The following PHF23 variants were observed in gnomAD, a reference collection of about 807,000 sequenced individuals.
PHF23 encodes PHD finger protein 23.
PHF23 carries 3 observed loss-of-function variants against 36.0 expected under a neutral mutation model. The observed-to-expected ratio is 0.08, with a 90% CI of 0.04 to 0.22. The LOEUF is 0.22. Ranked by LOEUF, PHF23 falls within the 10% of genes least tolerant of loss-of-function variation. The probability of loss-of-function intolerance (pLI) is 1.00; values close to 1 mark genes in which losing one functional copy is unlikely to be tolerated. For missense variants in PHF23, 475 were observed against 513.6 expected, an observed-to-expected ratio of 0.92 and a Z score of 0.73; for synonymous variants, 242 against 192.5, an observed-to-expected ratio of 1.26 and a Z score of -2.13.
At chr17:7,240,622 G>A (rs1053081511), upstream of PHF23, 78 of 514,294 alleles carry the variant, frequency 1.5e-4, 1 homozygote, top group East Asian at 2.6e-3. Flanking sequence ...TCTACAGCAG[G>A]ATGGGAAAGG....
In PHF23 at chr17:7,236,874, CCTCAA is replaced by C. The variant is rs956712619; in HGVS notation, c.160-112_160-108del. 1.4e-6 allele frequency: 2 copies of C among 1,471,118 alleles called. No homozygotes were observed. The highest frequency in any genetic ancestry group is 1.8e-6 in the Non-Finnish European group (2 of 1,121,054). 91.1% of individuals were successfully genotyped at this position (1,471,118 alleles called of 1,614,324 possible). A position where few individuals can be genotyped will look rare whatever the true frequency, so the allele number is the denominator to read the frequency against. On this transcript the variant is annotated intron_variant, in intron 3 of 4. Transcript: ENST00000320316. This position sits in a 1 kb window ranked among gnomAD's most constrained non-coding sequence, Gnocchi z 5.1. ...ACTGGATTTACCCCAAAATGTCCTA[CCTCAA>C]CCACTAAATCCCACTGTACTCCAAA...
intron 1 of PHF23, chr17:7,238,582 G>A: frequency 1.8e-6 from 2 of 1,113,364 alleles, no homozygotes; most frequent in Non-Finnish European, 2.2e-6. Flanking sequence ...CAACTCCCAG[G>A]CTCTTAACCC....
chr17:7,236,252 C>T lies in PHF23; in HGVS notation c.675G>A (p.Lys225=), dbSNP rs1218834080. The T allele has an allele frequency of 1.2e-6, 2 of 1,613,448 alleles. No homozygotes were observed. The highest frequency in any genetic ancestry group is 8.5e-7 in the Non-Finnish European group (1 of 1,179,694). Residue 225 remains lysine (K), a synonymous_variant, in exon 4 of 5, where the codon AAG becomes AAA. Coordinates refer to ENST00000320316, the MANE Select transcript of PHF23 (RefSeq NM_024297.3). This position sits in a 1 kb window ranked among gnomAD's most constrained non-coding sequence, Gnocchi z 5.1. Reference sequence around the variant, plus strand: ...GTGGGAGTCTATCCCCCCGTTCTGCCTTTTTTAACTTCCGCTTCTTGCTCT... The same window carrying T: ...GTGGGAGTCTATCCCCCCGTTCTGCTTTTTTTAACTTCCGCTTCTTGCTCT... ...IKKSKKRKLK[K]AERGDRLPPP...
chr17:7,235,457 G>A lies in PHF23; in HGVS notation c.*169C>T. 1 of 685,504 alleles carries A rather than the reference G, an allele frequency of 1.5e-6. No individual in the cohort carries two copies. The highest frequency in any genetic ancestry group is 2.5e-6 in the Non-Finnish European group (1 of 406,096). 42.5% of individuals were successfully genotyped at this position (685,504 alleles called of 1,614,324 possible). ...AATTTCAAGTCCACAGAGTGGGGAG[G>A]AAGGATAGGGTGGGAAAGTGAGACA... On this transcript the variant is annotated 3_prime_UTR_variant, in exon 5 of 5. Transcript: ENST00000320316.
At chr17:7,239,055 A>C in intron 1 of PHF23, 191 bp downstream of exon 1, 1 of 1,266,196 alleles carries the variant, frequency 7.9e-7, no homozygotes, top group Non-Finnish European at 1.1e-6. Context: ...ATCTCCAACT[A>C]CCCCAGCCCA....
In PHF23 at chr17:7,239,370, G is replaced by A. The variant is rs2071747448; in HGVS notation, c.-91C>T. ...TAGTGCTCGATGCTCCCACTGCTTC[G>A]CTCCACAGAAGTGTCCGCCTCAGCC... On this transcript the variant is annotated 5_prime_UTR_variant, in exon 1 of 5. Coordinates refer to ENST00000320316, the MANE Select transcript of PHF23 (RefSeq NM_024297.3). 1 of 681,984 alleles carries A rather than the reference G, an allele frequency of 1.5e-6. No homozygotes were observed. Among genetic ancestry groups the A allele is most frequent in the South Asian group, 1.6e-5 (1 of 60,646 alleles). 42.2% of individuals were successfully genotyped at this position (681,984 alleles called of 1,614,324 possible).
At chr17:7,238,524 C>A in intron 1 of PHF23, 1 of 1,049,292 alleles carries the variant, frequency 9.5e-7, no homozygotes, top group Non-Finnish European at 1.2e-6. Context: ...CTCTCTCTCT[C>A]TCCACAGCAG....
chr17:7,236,673 C>T lies in PHF23; in HGVS notation c.254G>A (p.Arg85Gln), dbSNP rs370850414. 6 of 1,613,862 alleles carry T rather than the reference C, an allele frequency of 3.7e-6. No individual in the cohort carries two copies. The highest frequency in any genetic ancestry group is 2.2e-5 in the East Asian group (1 of 44,892). Residue 85 changes from arginine (R) to glutamine (Q), a missense_variant, in exon 4 of 5, where the codon CGA becomes CAA. Coordinates refer to ENST00000320316, the MANE Select transcript of PHF23 (RefSeq NM_024297.3). The surrounding 1 kb of genome is among the most constrained non-coding windows in gnomAD (Gnocchi z 5.1). Reference protein sequence around the residue: ...DGWDSAPSDLRTIQTFVKKAK... With the variant: ...DGWDSAPSDLQTIQTFVKKAK... ...TTTCTTAACAAAAGTCTGGATGGTTCGAAGATCTGAGGGGGCCGAGTCCCA... is the reference window on the plus strand; with the variant it reads ...TTTCTTAACAAAAGTCTGGATGGTTTGAAGATCTGAGGGGGCCGAGTCCCA...
intron 3 of PHF23, among the ~76,000 whole-genome samples, 178 bp downstream of exon 3, chr17:7,237,207 G>A (rs1167265299): frequency 6.6e-6 from 1 of 151,970 alleles, no homozygotes; most frequent in Non-Finnish European, 1.5e-5. Flanking sequence ...AGCTATCCCG[G>A]CCATCCACTC....
At chr17:7,239,697 C>A (rs2071753813), upstream of PHF23, 1 of 149,568 alleles carries the variant, frequency 6.7e-6, no homozygotes, top group Admixed American at 6.6e-5. Flanking sequence ...CCGCTCCCCT[C>A]CCCCGGGGAG....
chr17:7,237,771 C>G (rs1567582720), intron 1 of PHF23, 111 bp from the exon 2 acceptor site: 3 of 1,298,070 alleles, frequency 2.3e-6, no homozygotes, highest in Non-Finnish European at 3.3e-6. Context: ...GGTCCCTCTG[C>G]CAGGCCAGCA....
intron 1 of PHF23, chr17:7,238,096 C>T: frequency 5.4e-6 from 1 of 186,530 alleles, no homozygotes; most frequent in South Asian, 9.9e-5. Context: ...ACCGCACACG[C>T]CGCCCGCCAG....
chr17:7,239,571 C>T, upstream of PHF23: 1 of 337,468 alleles, frequency 3.0e-6, no homozygotes, highest in Non-Finnish European at 5.6e-6. Context: ...CCGCCGGCGC[C>T]GAGGCGCAGT....
chr17:7,238,739 G>T (rs559742158), intron 1 of PHF23: 1 of 1,514,496 alleles, frequency 6.6e-7, no homozygotes, highest in Non-Finnish European at 8.8e-7. Flanking sequence ...TCCGTCTGCC[G>T]TAGACAATAC....
chr17:7,236,515 A>T lies in PHF23; in HGVS notation c.412T>A (p.Phe138Ile). The T allele has an allele frequency of 6.2e-7, 1 of 1,614,150 alleles. No individual in the cohort carries two copies. The highest frequency in any genetic ancestry group is 8.5e-7 in the Non-Finnish European group (1 of 1,180,016). ...GCCACTTTGGGCCCATCCAGATCAA[A>T]GAGAGAGTCCTTGAGCTTCATCTTC... is the stretch of plus-strand genomic sequence containing the variant. ...LEKMKLKDSL[F>I]DLDGPKVASP... The change falls in exon 4 of 5, where the codon TTT becomes ATT. Residue 138 changes from phenylalanine to isoleucine, a missense_variant. Phe to Ile is a conservative substitution (Grantham distance 21). Transcript: ENST00000320316. This position sits in a 1 kb window ranked among gnomAD's most constrained non-coding sequence, Gnocchi z 5.1.
chr17:7,235,859 G>A lies in PHF23; in HGVS notation c.998-19C>T. ...TCATCACCTGGGGAAAAAAAGGTTT[G>A]TTTGGTATTCTGCCTGAGCTGTTGG... On this transcript the variant is annotated intron_variant, in intron 4 of 4. Coordinates refer to ENST00000320316, the MANE Select transcript of PHF23 (RefSeq NM_024297.3). 1 of 1,614,108 alleles carries A rather than the reference G, an allele frequency of 6.2e-7. No individual in the cohort carries two copies. The highest frequency in any genetic ancestry group is 8.5e-7 in the Non-Finnish European group (1 of 1,179,982).
rs1245191145 is a variant in PHF23, at chr17:7,236,052, CCTT to C, written c.872_874del (p.Glu291del). 5 of 1,613,886 alleles carry C rather than the reference CCTT, an allele frequency of 3.1e-6. No individual in the cohort carries two copies. Among genetic ancestry groups the C allele is most frequent in the African/African-American group, 1.3e-5 (1 of 74,930 alleles). The stretch of plus-strand genomic sequence containing the variant: ...GCTTTCACTGTCAGCAGGAGGGACT[CCTT>C]CAGGGTGCACTGTGGCAGGGGGCCT... On this transcript the variant is annotated inframe_deletion, in exon 4 of 5. Coordinates refer to ENST00000320316, the MANE Select transcript of PHF23 (RefSeq NM_024297.3). The surrounding 1 kb of genome is among the most constrained non-coding windows in gnomAD (Gnocchi z 5.1).
Position 7,236,433 on chromosome 17 carries a change from G to T in PHF23, c.494C>A (p.Thr165Asn). 6.2e-7 allele frequency: 1 copy of T among 1,613,572 alleles called. No homozygotes were observed. The highest frequency in any genetic ancestry group is 8.5e-7 in the Non-Finnish European group (1 of 1,179,830). The change falls in exon 4 of 5, where the codon ACC becomes AAC. Residue 165 changes from threonine to asparagine, a missense_variant. Physicochemically the swap from Thr to Asn is moderately conservative, Grantham distance 65. Transcript: ENST00000320316. The surrounding 1 kb of genome is among the most constrained non-coding windows in gnomAD (Gnocchi z 5.1). ...THTSRPPAAL[T>N]PVPLSQGDLS... The stretch of plus-strand genomic sequence containing the variant: ...GTCCCCCTGGGAAAGGGGCACGGGG[G>T]TAAGAGCAGCAGGGGGCCGGGAGGT...
At position 7,235,141 on chromosome 17, in the gene PHF23, C is replaced by T. The variant is rs1355058216; in HGVS notation, c.*485G>A. The stretch of plus-strand genomic sequence containing the variant: ...GTGAGTGAGAATCGTCACCTTTCTG[C>T]TTTCCTTCCTCACTTGGCCAGGCTC... On this transcript the variant is annotated 3_prime_UTR_variant, in exon 5 of 5. Coordinates refer to ENST00000320316, the MANE Select transcript of PHF23 (RefSeq NM_024297.3). 5.6e-6 allele frequency: 1 copy of T among 179,022 alleles called. No homozygotes were observed. The highest frequency in any genetic ancestry group is 1.2e-5 in the Non-Finnish European group (1 of 82,110). The allele number at this position is 179,022 out of a possible 1,614,324, so 11.1% of individuals were successfully genotyped here.
Sources: allele counts gnomAD v4.1 joint callset (sites outside exome capture counted in the v4.1 genomes callset), GRCh38; gene constraint gnomAD v4.1.1; non-coding constraint Gnocchi (gnomAD v3.1); transcripts MANE v1.5; gene names NCBI Gene and HGNC (gene_info 2026-07-23, HGNC 2026-07-21).